DIP2B: variants seen among roughly 807,000 people sequenced by gnomAD.
DIP2B encodes DIP2 acetate--CoA ligase B (putative).
In DIP2B, 76 loss-of-function variants were observed where a neutral mutation model predicts 198.0. The observed-to-expected ratio is 0.38, with a 90% CI of 0.32 to 0.46. The LOEUF (loss-of-function observed/expected upper bound fraction) is 0.46. Ranked by LOEUF, DIP2B falls within the 20% of genes least tolerant of loss-of-function variation. The pLI, the probability that DIP2B is intolerant of heterozygous loss-of-function variation, is 0.99. For missense variants in DIP2B, 1,559 were observed against 1,978.4 expected (o/e 0.79, Z 4.02); for synonymous variants, 701 against 739.1 (o/e 0.95, Z 0.84).
At chr12:50,651,599 T>A (rs1035432420) in intron 3 of DIP2B, among the ~76,000 whole-genome samples, 3 of 152,210 alleles carry the variant, frequency 2.0e-5, no homozygotes, top group Non-Finnish European at 2.9e-5. Context: ...TTCCTCATTG[T>A]GTAGTTTTGG....
intron 2 of DIP2B, among the ~76,000 whole-genome samples, chr12:50,626,774 CTTTT>C (rs10712216): frequency 7.5e-6 from 1 of 132,748 alleles, no homozygotes; most frequent in Non-Finnish European, 1.6e-5. Flanking sequence ...GAACTAATGG[CTTTT>C]TTTTTTTTTT....
At chr12:50,683,740 G>A (rs751657797) in intron 10 of DIP2B, among the ~76,000 whole-genome samples, 10 of 152,022 alleles carry the variant, frequency 6.6e-5, no homozygotes, top group Non-Finnish European at 1.2e-4. Flanking sequence ...TTGAGATCGC[G>A]CTATTGCACT....
intron 3 of DIP2B, among the ~76,000 whole-genome samples, chr12:50,641,189 T>G (rs938594631): frequency 3.9e-5 from 6 of 152,148 alleles, no homozygotes; most frequent in Admixed American, 6.6e-5. Flanking sequence ...AAACCTCGTC[T>G]GTACTAAAAA....
intron 1 of DIP2B, among the ~76,000 whole-genome samples, chr12:50,534,704 G>A (rs1329272802): frequency 6.6e-6 from 1 of 152,188 alleles, no homozygotes; most frequent in Non-Finnish European, 1.5e-5. Context: ...AGCATTCTGA[G>A]ATTAGGAGAA....
chr12:50,567,176 T>A (rs978452022), intron 1 of DIP2B, among the ~76,000 whole-genome samples: 2 of 152,156 alleles, frequency 1.3e-5, no homozygotes, highest in Non-Finnish European at 2.9e-5. Context: ...TAATTACAGA[T>A]TTATAGGAAG....
chr12:50,656,433 A>G (rs1227706045), intron 3 of DIP2B, among the ~76,000 whole-genome samples: 3 of 152,250 alleles, frequency 2.0e-5, no homozygotes, highest in Admixed American at 1.3e-4. Flanking sequence ...AAGAACCCAT[A>G]TGAAGGGACT....
In DIP2B at chr12:50,674,594, G is replaced by A. The variant is rs1565866822; in HGVS notation, c.761G>A (p.Gly254Glu). Residue 254 changes from glycine to glutamate, a missense_variant, in exon 6 of 38, where the codon GGA becomes GAA. Transcript: ENST00000301180. ...GGGATAGTTAAAGGCATGCACAAAG[G>A]ATCCAACAGGTCCAGCCTTATGGAT... ...PSGIVKGMHK[G>E]SNRSSLMDTA... The A allele has an allele frequency of 2.5e-6, 4 of 1,614,170 alleles. No homozygotes were observed. The South Asian group carries it at 3.3e-5, about 13-fold the overall frequency.
At chr12:50,656,725 C>T (rs1938560681) in intron 3 of DIP2B, among the ~76,000 whole-genome samples, 1 of 152,170 alleles carries the variant, frequency 6.6e-6, no homozygotes, top group African/African-American at 2.4e-5. Context: ...GCATGCGCCA[C>T]CATGCTCAGC....
At chr12:50,660,421 C>T in intron 4 of DIP2B, 102 bp downstream of exon 4, 6 of 1,314,314 alleles carry the variant, frequency 4.6e-6, no homozygotes, top group Non-Finnish European at 4.0e-6. Flanking sequence ...AATCTTCTCC[C>T]CGCCATTAGA....
rs756242422 is a variant in DIP2B at position 50,747,727 on chromosome 12, CTG to C, written c.*2891_*2892del. On this transcript the variant is annotated 3_prime_UTR_variant, in exon 38 of 38. Transcript: ENST00000301180. ...CATATTCTGTCTGGGTTTTTAATGT[CTG>C]TGGAAAAAAACTAAACAAGTCTCTG... is the stretch of plus-strand genomic sequence containing the variant. 3 of 152,208 alleles carry C rather than the reference CTG, an allele frequency of 2.0e-5. No individual in the cohort carries two copies. The highest frequency in any genetic ancestry group is 4.4e-5 in the Non-Finnish European group (3 of 68,034). 9.4% of individuals were successfully genotyped at this position (152,208 alleles called of 1,614,324 possible).
intron 1 of DIP2B, among the ~76,000 whole-genome samples, chr12:50,545,562 A>T (rs774359881): frequency 1.3e-5 from 2 of 151,936 alleles, no homozygotes; most frequent in Non-Finnish European, 2.9e-5. Flanking sequence ...ATTTTTTTAC[A>T]GATAGTGTCT....
At chr12:50,729,846 C>T (rs1940006584) in intron 30 of DIP2B, among the ~76,000 whole-genome samples, 2 of 151,746 alleles carry the variant, frequency 1.3e-5, no homozygotes, top group African/African-American at 4.8e-5. Flanking sequence ...CCTCCCATCT[C>T]AGCCTCCTGA....
intron 20 of DIP2B, 129 bp from the exon 21 acceptor site, chr12:50,706,409 A>AT (rs1211998262): frequency 3.6e-6 from 4 of 1,121,272 alleles, no homozygotes; most frequent in Non-Finnish European, 5.0e-6. Context: ...TTTCTCTAGA[A>AT]TCCGTAAAAT....
chr12:50,564,591 A>G (rs1958547384), intron 1 of DIP2B, among the ~76,000 whole-genome samples: 1 of 152,140 alleles, frequency 6.6e-6, no homozygotes. Context: ...TTTATATACC[A>G]TTAAGACCAT....
At chr12:50,668,524 T>A (rs1394878535) in intron 4 of DIP2B, among the ~76,000 whole-genome samples, 3 of 152,162 alleles carry the variant, frequency 2.0e-5, no homozygotes, top group African/African-American at 7.2e-5. Context: ...ATACACCTAA[T>A]TGCATAATTG....
Position 50,640,715 on chromosome 12 carries a change from CT to C in DIP2B, c.173-3del, listed in dbSNP as rs748407071. 1 of 1,611,098 alleles carries C rather than the reference CT, an allele frequency of 6.2e-7. No homozygotes were observed. The highest frequency in any genetic ancestry group is 2.2e-5 in the East Asian group (1 of 44,808). On this transcript the variant is annotated splice_region_variant and splice_polypyrimidine_tract_variant and intron_variant, in intron 2 of 37. Transcript: ENST00000301180. ...ACTGGATAACCATCTTTTAAACTTC[CT>C]TTTTTAGAAACTGATTCAGCAGTAC...
At position 50,695,244 on chromosome 12, in the gene DIP2B, TTTC is replaced by T. The variant is rs899495775; in HGVS notation, c.1720-17_1720-15del. On this transcript the variant is annotated intron_variant, in intron 14 of 37. Transcript: ENST00000301180. ...AAGTATGTATTTTGTATTGATTACT[TTTC>T]TTCTTTCTTTGTTTTTCAGAATGTA... is the stretch of plus-strand genomic sequence containing the variant. The T allele has an allele frequency of 1.8e-5, 28 of 1,598,278 alleles. No individual in the cohort carries two copies. The highest frequency in any genetic ancestry group is 6.8e-5 in the Admixed American group (4 of 59,150).
chr12:50,531,919 G>A (rs1356381723), intron 1 of DIP2B, among the ~76,000 whole-genome samples: 1 of 152,216 alleles, frequency 6.6e-6, no homozygotes, highest in African/African-American at 2.4e-5. Flanking sequence ...AATGAATTAT[G>A]TTAAGAAGGT....
chr12:50,721,429 C>T, intron 26 of DIP2B, 33 bp downstream of exon 26: 2 of 1,612,254 alleles, frequency 1.2e-6, no homozygotes, highest in African/African-American at 1.3e-5. Context: ...AGAGTTTAAG[C>T]TCCAATACTA....
Sources: gnomAD v4.1 joint callset for allele counts (sites outside exome capture counted in the v4.1 genomes callset) on GRCh38, gnomAD v4.1.1 for gene constraint, MANE v1.5 for transcripts, NCBI Gene and HGNC (gene_info 2026-07-23, HGNC 2026-07-21) for gene names.